The following DNAH10 variants were observed in gnomAD, a reference collection of about 807,000 sequenced individuals.
DNAH10 encodes dynein axonemal heavy chain 10.
DNAH10 carries 348 observed loss-of-function variants against 506.6 expected under a neutral mutation model. That is an observed-to-expected ratio of 0.69 (90% CI 0.63 to 0.75). The LOEUF (loss-of-function observed/expected upper bound fraction) is 0.75, where lower values mean the gene tolerates loss of function less well. DNAH10 is among the 30% of genes least tolerant of loss of function. The probability of loss-of-function intolerance (pLI) is 0.00; values close to 1 mark genes in which losing one functional copy is unlikely to be tolerated. For synonymous variants in DNAH10, 2,059 were observed against 2,198.6 expected (o/e 0.94, Z 1.78); for missense variants, 5,179 against 5,787.1 (o/e 0.89, Z 3.41).
At chr12:123,843,511 C>A (rs987308479) in intron 30 of DNAH10, among the ~76,000 whole-genome samples, 1 of 152,186 alleles carries the variant, frequency 6.6e-6, no homozygotes, top group African/African-American at 2.4e-5. Context: ...GTTTTCGCTG[C>A]ACCACACAAT....
intron 18 of DNAH10, among the ~76,000 whole-genome samples, chr12:123,807,915 G>GAGGTGGAGAGAGAGGAGA (rs1555221494): frequency 6.8e-4 from 1 of 1,476 alleles, no homozygotes; most frequent in Non-Finnish European, 1.2e-3. Flanking sequence ...GGGAGAGAGA[G>GAGGTGGAGAGAGAGGAGA]GAGAGAGAAG....
chr12:123,916,311 A>G lies in DNAH10; in HGVS notation c.10723-146A>G, dbSNP rs1566098797. 1 of 990,722 alleles carries G rather than the reference A, an allele frequency of 1.0e-6. No homozygotes were observed. Among genetic ancestry groups the G allele is most frequent in the Non-Finnish European group, 1.5e-6 (1 of 672,596 alleles). The allele number at this position is 990,722 out of a possible 1,614,324, so 61.4% of individuals were successfully genotyped here. The stretch of plus-strand genomic sequence containing the variant: ...GGACCTCATGGTGTATATGCGTTAT[A>G]CCCCTTGCTTCTCTCTTCTTTTCAC... On this transcript the variant is annotated intron_variant, in intron 62 of 78. Coordinates refer to ENST00000673944, the MANE Select transcript of DNAH10 (RefSeq NM_001372106.1). The surrounding 1 kb of genome is among the most constrained non-coding windows in gnomAD (Gnocchi z 4.6).
Position 123,853,495 on chromosome 12 carries a change from A to G in DNAH10, c.6438+143A>G. 4 of 1,115,044 alleles carry G rather than the reference A, an allele frequency of 3.6e-6. No individual in the cohort carries two copies. Among genetic ancestry groups the G allele is most frequent in the Non-Finnish European group, 4.9e-6 (4 of 822,142 alleles). 69.1% of individuals were successfully genotyped at this position (1,115,044 alleles called of 1,614,324 possible). A position where few individuals can be genotyped will look rare whatever the true frequency, so the allele number is the denominator to read the frequency against. On this transcript the variant is annotated intron_variant, in intron 36 of 78. Transcript: ENST00000673944. This position sits in a 1 kb window ranked among gnomAD's most constrained non-coding sequence, Gnocchi z 4.7. ...CCTCTTCACCCCGCGGTCTGGCCTTACTTTGGCCTCTTACCTGTTGTATCG... is the reference window on the plus strand; with the variant it reads ...CCTCTTCACCCCGCGGTCTGGCCTTGCTTTGGCCTCTTACCTGTTGTATCG...
In DNAH10 at chr12:123,839,635, A is replaced by G. The variant is rs374448692; in HGVS notation, c.5136+946A>G. 2.8e-5 allele frequency among the ~76,000 whole-genome samples: 4 copies of G among 144,472 alleles called. No homozygotes were observed. In the East Asian group the frequency reaches 8.0e-4, roughly 29 times the overall value. 94.8% of individuals were successfully genotyped at this position (144,472 alleles called of 152,430 possible). On this transcript the variant is annotated intron_variant, in intron 29 of 78. Transcript: ENST00000673944. ...TGCAATACTTTTTGTCCCCATCCCCATTCATACTTCCTCTATTTTCTTTTC... is the reference window on the plus strand; with the variant it reads ...TGCAATACTTTTTGTCCCCATCCCCGTTCATACTTCCTCTATTTTCTTTTC...
At chr12:123,819,091 A>G in intron 22 of DNAH10, 25 bp downstream of exon 22, 1 of 1,599,418 alleles carries the variant, frequency 6.3e-7, no homozygotes, top group East Asian at 2.2e-5. Context: ...TCACTTCCTG[A>G]GTAAAGACAT....
intron 6 of DNAH10, 147 bp downstream of exon 6, chr12:123,781,446 G>C (rs1345539735): frequency 2.6e-6 from 2 of 771,408 alleles, no homozygotes; most frequent in African/African-American, 3.5e-5. Context: ...TGTCGCTCAG[G>C]CTGGCAAAAA....
In DNAH10 at chr12:123,918,698, C is replaced by A. The variant is rs367993353; in HGVS notation, c.11255C>A (p.Ala3752Glu). 2 of 1,561,612 alleles carry A rather than the reference C, an allele frequency of 1.3e-6. No individual in the cohort carries two copies. The highest frequency in any genetic ancestry group is 8.7e-7 in the Non-Finnish European group (1 of 1,150,286). ...CAGGTCTCAGAGAAACTCAAGCTGG[C>A]GGAGAAGACAGCCTTGGACATCGAC... Reference protein sequence around the residue: ...ATEVSEKLKLAEKTALDIDRL... With the variant: ...ATEVSEKLKLEEKTALDIDRL... Residue 3752 changes from alanine (A) to glutamate (E), a missense_variant, in exon 65 of 79, where the codon GCG becomes GAG. Ala to Glu is a moderately radical substitution (Grantham distance 107, BLOSUM62 -1). Coordinates refer to ENST00000673944, the MANE Select transcript of DNAH10 (RefSeq NM_001372106.1).
At chr12:123,835,817 A>C (rs542896931) in intron 28 of DNAH10, among the ~76,000 whole-genome samples, 1 of 152,072 alleles carries the variant, frequency 6.6e-6, no homozygotes, top group Admixed American at 6.6e-5. Flanking sequence ...TAGGGATAGG[A>C]TCTTGCTATG....
At chr12:123,804,236 A>G (rs1049444100) in intron 17 of DNAH10, among the ~76,000 whole-genome samples, 2 of 151,804 alleles carry the variant, frequency 1.3e-5, no homozygotes, top group Non-Finnish European at 2.9e-5. Flanking sequence ...CTAAAGAAAG[A>G]TACTTTAGGC....
chr12:123,802,540 A>G (rs1958513382), intron 16 of DNAH10, among the ~76,000 whole-genome samples: 1 of 152,156 alleles, frequency 6.6e-6, no homozygotes, highest in Admixed American at 6.6e-5. Flanking sequence ...TCCTGGCCTC[A>G]AGTGATCCAT....
At chr12:123,828,908 G>A (rs934393320) in intron 25 of DNAH10, among the ~76,000 whole-genome samples, 2 of 152,138 alleles carry the variant, frequency 1.3e-5, no homozygotes, top group South Asian at 2.1e-4. Context: ...AGGACTGGGC[G>A]GGAACTGGAG....
chr12:123,783,826 C>T (rs900709330), intron 7 of DNAH10, 121 bp from the exon 8 acceptor site: 2 of 863,348 alleles, frequency 2.3e-6, no homozygotes, highest in South Asian at 1.7e-5. Context: ...AAGAGCCCAC[C>T]CCTGAAGACC....
chr12:123,833,194 C>T lies in DNAH10; in HGVS notation c.4626C>T (p.Gly1542=), dbSNP rs1332922930. 6.2e-7 allele frequency: 1 copy of T among 1,613,878 alleles called. No individual in the cohort carries two copies. The highest frequency in any genetic ancestry group is 8.5e-7 in the Non-Finnish European group (1 of 1,179,854). The change falls in exon 27 of 79, where the codon GGC becomes GGT. Residue 1542 remains glycine (G), a synonymous_variant. Coordinates refer to ENST00000673944, the MANE Select transcript of DNAH10 (RefSeq NM_001372106.1). The stretch of plus-strand genomic sequence containing the variant: ...ATTGCAAAGGCACACAGGAGCGAGG[C>T]TACATCCTGGGTTCTGTTGACGAAA... The part of the protein sequence containing the change: ...VKYCKGTQER[G]YILGSVDEII...
rs775439399 is a variant in DNAH10 at position 123,935,423 on chromosome 12, C to T, written c.13712C>T (p.Thr4571Met). ...GLVFEADLFT[T>M]RHISHWVLQG... ...GTTTTTGAAGCTGATCTCTTTACCACGAGGCACATTTCTCACTGGGTGCTG... is the reference window on the plus strand; with the variant it reads ...GTTTTTGAAGCTGATCTCTTTACCATGAGGCACATTTCTCACTGGGTGCTG... Residue 4571 changes from threonine (T) to methionine (M), a missense_variant, in exon 79 of 79, where the codon ACG becomes ATG. Thr to Met is a moderately conservative substitution (Grantham distance 81). Around this residue, in one of 3 missense-constraint regions of DNAH10, gnomAD observed 4,844 missense variants for 5,430.5 expected, o/e 0.89. Transcript: ENST00000673944. 24 of 1,610,184 alleles carry T rather than the reference C, an allele frequency of 1.5e-5. No homozygotes were observed. The highest frequency in any genetic ancestry group is 1.3e-4 in the Admixed American group (8 of 59,958).
rs185690525 is a variant in DNAH10 at position 123,773,611 on chromosome 12, G to A, written c.506-538G>A. ...TGGCATCTGGTGAGGGCCACTTCCT[G>A]GTTCACAGATGGCACCTTCTCCTAT... On this transcript the variant is annotated intron_variant, in intron 4 of 78. Transcript: ENST00000673944. 1.1e-3 allele frequency among the ~76,000 whole-genome samples: 166 copies of A among 152,292 alleles called. 3 individuals carry two copies. The South Asian group carries it at 0.03, about 27-fold the overall frequency.
Position 123,926,379 on chromosome 12 carries a change from G to T in DNAH10, c.11922-258G>T. The stretch of plus-strand genomic sequence containing the variant: ...CAGGCCCACCTAGAGGGCAAGCTGA[G>T]GTGCCCAGCTCAGCACAAACCAACT... On this transcript the variant is annotated intron_variant, in intron 68 of 78. Coordinates refer to ENST00000673944, the MANE Select transcript of DNAH10 (RefSeq NM_001372106.1). This position sits in a 1 kb window ranked among gnomAD's most constrained non-coding sequence, Gnocchi z 4.1. 1 of 435,238 alleles carries T rather than the reference G, an allele frequency of 2.3e-6. No individual in the cohort carries two copies. Among genetic ancestry groups the T allele is most frequent in the Non-Finnish European group, 4.0e-6 (1 of 251,220 alleles). The allele number at this position is 435,238 out of a possible 1,614,324, so 27.0% of individuals were successfully genotyped here.
chr12:123,856,928 T>C (rs1951415609), intron 36 of DNAH10, 128 bp from the exon 37 acceptor site: 2 of 526,030 alleles, frequency 3.8e-6, no homozygotes, highest in Admixed American at 8.9e-5. Flanking sequence ...TTGTTAAAAA[T>C]AATAAAATGT....
chr12:123,792,451 C>CTTT (rs78654407), intron 11 of DNAH10, among the ~76,000 whole-genome samples: 82 of 133,482 alleles, frequency 6.1e-4, no homozygotes, highest in Non-Finnish European at 8.8e-4. Flanking sequence ...TTCCTTTGTC[C>CTTT]TTTTTTTTTT....
rs2136527054 is a variant in DNAH10, at chr12:123,833,336, GA to G, written c.4770del (p.Val1591SerfsTer24). 6.2e-7 allele frequency: 1 copy of G among 1,610,396 alleles called. No homozygotes were observed. Among genetic ancestry groups the G allele is most frequent in the Non-Finnish European group, 8.5e-7 (1 of 1,178,122 alleles). ...GGAAAAAACGCTTTCTCTAATAGGG[GA>G]AGTCATTGAGGTGAGAGAAAAGATG... is the stretch of plus-strand genomic sequence containing the variant. ...KWEKTLSLIGEVIEIWMLVQR... is the reference protein window; with the variant it reads ...KWEKTLSLIGXVIEIWMLVQR... On this transcript the variant is annotated frameshift_variant, in exon 27 of 79. Transcript: ENST00000673944. LOFTEE classifies it high-confidence loss of function.
Sources: gnomAD v4.1 joint callset for allele counts (sites outside exome capture counted in the v4.1 genomes callset) on GRCh38, gnomAD v4.1.1 for gene constraint, gnomAD v4.1.1 regional missense constraint, Gnocchi (gnomAD v3.1) non-coding constraint, MANE v1.5 for transcripts, NCBI Gene and HGNC (gene_info 2026-07-23, HGNC 2026-07-21) for gene names.